ASPRV1: variants seen among roughly 807,000 people sequenced by gnomAD.
The protein encoded by ASPRV1 is aspartic peptidase retroviral like 1.
Under a neutral mutation model 11.0 loss-of-function variants are expected in ASPRV1, and 7 were observed. That is an observed-to-expected ratio of 0.64 (90% CI 0.36 to 1.20). ASPRV1 has a LOEUF of 1.20. Among genes scored for constraint, ASPRV1 ranks in the 50% most tolerant of loss-of-function variants. The pLI is 0.02. For synonymous variants in ASPRV1, 136 were observed against 138.4 expected, an observed-to-expected ratio of 0.98 and a Z score of 0.12; for missense variants, 299 against 320.0, an observed-to-expected ratio of 0.93 and a Z score of 0.50.
the ASPRV1 span, among the ~76,000 whole-genome samples, chr2:70,033,192 C>T: frequency 6.6e-6 from 1 of 151,930 alleles, no homozygotes; most frequent in East Asian, 1.9e-4. Context: ...CACTTCTCAC[C>T]TCCTGAGGCG....
At chr2:70,032,048 T>C in the ASPRV1 span, 1 of 152,144 alleles carries the variant, frequency 6.6e-6, no homozygotes, top group Non-Finnish European at 1.5e-5. Flanking sequence ...CAGTCATGTG[T>C]CCTCCAAGGG....
At chr2:70,061,892 G>C in the ASPRV1 span, among the ~76,000 whole-genome samples, 1 of 151,838 alleles carries the variant, frequency 6.6e-6, no homozygotes, top group Non-Finnish European at 1.5e-5. Context: ...GAACCTGGGA[G>C]ATGGAGGCTG....
At chr2:69,944,829 T>C in the ASPRV1 span, among the ~76,000 whole-genome samples, 1 of 152,108 alleles carries the variant, frequency 6.6e-6, no homozygotes, top group Non-Finnish European at 1.5e-5. Flanking sequence ...CTGATCCTCC[T>C]GGGGATCTAG....
chr2:70,087,178 A>G, the ASPRV1 span: 2 of 152,098 alleles, frequency 1.3e-5, no homozygotes, highest in African/African-American at 2.4e-5. Context: ...GGGCAGGAAA[A>G]TAATGTCTAT....
At chr2:69,957,467 G>C (rs58033497), downstream of ASPRV1, among the ~76,000 whole-genome samples, 5,311 of 150,778 alleles carry the variant, frequency 0.035, 373 homozygotes, top group Admixed American at 0.18. Flanking sequence ...ATCTAGTATG[G>C]TCTGGGGAAC....
the ASPRV1 span, chr2:69,937,952 G>A: frequency 1.4e-6 from 1 of 704,758 alleles, no homozygotes; most frequent in East Asian, 2.8e-5. Flanking sequence ...TCACTGTGTT[G>A]GCCCAGCTGG....
upstream of ASPRV1, among the ~76,000 whole-genome samples, chr2:69,966,523 T>C (rs1353027203): frequency 6.6e-6 from 1 of 152,236 alleles, no homozygotes; most frequent in Non-Finnish European, 1.5e-5. Context: ...GTGGGACTTG[T>C]AACACAGGTC....
the ASPRV1 span, among the ~76,000 whole-genome samples, chr2:70,052,771 C>A: frequency 6.6e-6 from 1 of 152,152 alleles, no homozygotes; most frequent in Non-Finnish European, 1.5e-5. Flanking sequence ...GGAAACAGAT[C>A]CTGGGGAGGC....
chr2:69,938,576 A>G, the ASPRV1 span: 31 of 306,262 alleles, frequency 1.0e-4, no homozygotes, highest in African/African-American at 6.8e-4. Context: ...ACATCTCAGC[A>G]ATCCCCCTCT....
chr2:70,039,708 T>C, the ASPRV1 span, among the ~76,000 whole-genome samples: 1 of 152,202 alleles, frequency 6.6e-6, no homozygotes, highest in African/African-American at 2.4e-5. Flanking sequence ...AGGGTGGCCT[T>C]AGTCAACTCT....
chr2:70,016,444 A>C, the ASPRV1 span: 1 of 149,868 alleles, frequency 6.7e-6, no homozygotes, highest in Non-Finnish European at 1.5e-5. Context: ...AAAGACTGAG[A>C]CAGGAGGATT....
At chr2:70,024,806 A>G in the ASPRV1 span, among the ~76,000 whole-genome samples, 1 of 152,170 alleles carries the variant, frequency 6.6e-6, no homozygotes, top group East Asian at 1.9e-4. Context: ...TGCAGCAAAT[A>G]GGTGGAGTTC....
the ASPRV1 span, among the ~76,000 whole-genome samples, chr2:70,084,624 G>A: frequency 6.6e-6 from 1 of 152,120 alleles, no homozygotes; most frequent in Non-Finnish European, 1.5e-5. Context: ...TTTATAATGT[G>A]TCCTTTTTAT....
At chr2:69,974,534 C>G in the ASPRV1 span, among the ~76,000 whole-genome samples, 1 of 152,132 alleles carries the variant, frequency 6.6e-6, no homozygotes, top group Non-Finnish European at 1.5e-5. Flanking sequence ...TCTGAGCACA[C>G]CTGGATCTGA....
the ASPRV1 span, among the ~76,000 whole-genome samples, chr2:70,081,998 G>A: frequency 2.6e-5 from 4 of 151,496 alleles, no homozygotes; most frequent in Admixed American, 6.6e-5. Context: ...TATTTTTTGA[G>A]ACAGAGTCTC....
At chr2:70,087,193 C>T in the ASPRV1 span, 1 of 152,216 alleles carries the variant, frequency 6.6e-6, no homozygotes, top group African/African-American at 2.4e-5. Context: ...GTCTATCCCG[C>T]ATACACAGCA....
the ASPRV1 span, among the ~76,000 whole-genome samples, chr2:70,056,991 C>A: frequency 6.6e-6 from 1 of 152,048 alleles, no homozygotes; most frequent in Non-Finnish European, 1.5e-5. Flanking sequence ...CCCGCCTCAG[C>A]CTCCCAAAGT....
chr2:70,065,694 G>A, the ASPRV1 span, among the ~76,000 whole-genome samples: 485 of 151,068 alleles, frequency 3.2e-3, 1 homozygote, highest in Non-Finnish European at 5.1e-3. Flanking sequence ...GTGTGGTGGC[G>A]CATGCCTTTA....
chr2:70,033,004 A>G, the ASPRV1 span, among the ~76,000 whole-genome samples: 36 of 152,250 alleles, frequency 2.4e-4, no homozygotes, highest in Admixed American at 7.2e-4. Context: ...CAGCAATCAG[A>G]TATCAGCTAC....
Sources: allele counts gnomAD v4.1 joint callset (sites outside exome capture counted in the v4.1 genomes callset), GRCh38; gene constraint gnomAD v4.1.1; transcripts MANE v1.5; gene names NCBI Gene and HGNC (gene_info 2026-07-23, HGNC 2026-07-21).